SLC2A13: variants seen among roughly 807,000 people sequenced by gnomAD.
SLC2A13 encodes solute carrier family 2 member 13, also known as proton myo-inositol cotransporter.
In SLC2A13, 32 loss-of-function variants were observed where a neutral mutation model predicts 64.4. The ratio of observed to expected loss-of-function variants is 0.50; its 90% CI spans 0.37 to 0.67. SLC2A13 has a LOEUF of 0.67. Ranked by LOEUF, SLC2A13 falls within the 30% of genes least tolerant of loss-of-function variation. SLC2A13 has a pLI of 0.00. For missense variants in SLC2A13, 743 were observed against 829.2 expected (o/e 0.90, Z 1.28); for synonymous variants, 338 against 327.1 (o/e 1.03, Z -0.36).
chr12:39,853,966 T>A (rs958612309), intron 6 of SLC2A13, among the ~76,000 whole-genome samples: 28 of 152,154 alleles, frequency 1.8e-4, no homozygotes, highest in African/African-American at 6.3e-4. Flanking sequence ...CAGTATTTTG[T>A]TAAAATAAAA....
At chr12:39,989,403 C>T (rs1355578011) in intron 3 of SLC2A13, among the ~76,000 whole-genome samples, 1 of 152,196 alleles carries the variant, frequency 6.6e-6, no homozygotes, top group Admixed American at 6.5e-5. Flanking sequence ...TTTATTACCA[C>T]CTTCATATGT....
intron 3 of SLC2A13, among the ~76,000 whole-genome samples, chr12:39,978,372 T>A (rs572782397): frequency 1.3e-5 from 2 of 152,180 alleles, no homozygotes; most frequent in Non-Finnish European, 1.5e-5. Flanking sequence ...GCGTAAGCGA[T>A]GCAGAAGACG....
chr12:40,101,537 G>A (rs891134974), intron 1 of SLC2A13, among the ~76,000 whole-genome samples: 6 of 152,038 alleles, frequency 3.9e-5, no homozygotes, highest in Admixed American at 1.3e-4. Context: ...TAAGAAAGAA[G>A]GTAAAAGAGC....
At chr12:39,942,870 G>T (rs897125087) in intron 4 of SLC2A13, among the ~76,000 whole-genome samples, 7 of 152,014 alleles carry the variant, frequency 4.6e-5, no homozygotes, top group Non-Finnish European at 8.8e-5. Context: ...TTTTGTGCTG[G>T]TTTTTCCTCA....
At chr12:39,841,132 G>A (rs188492463) in intron 6 of SLC2A13, among the ~76,000 whole-genome samples, 20 of 152,050 alleles carry the variant, frequency 1.3e-4, no homozygotes, top group African/African-American at 4.1e-4. Flanking sequence ...ACTGACTCCT[G>A]AGTTAGATGC....
chr12:39,964,966 A>G (rs1243266422), intron 3 of SLC2A13, among the ~76,000 whole-genome samples: 1 of 152,156 alleles, frequency 6.6e-6, no homozygotes, highest in Non-Finnish European at 1.5e-5. Context: ...TTCTATAGGG[A>G]AAAAAATTAT....
intron 7 of SLC2A13, among the ~76,000 whole-genome samples, chr12:39,829,155 A>G (rs1241222901): frequency 6.6e-6 from 1 of 152,028 alleles, no homozygotes; most frequent in Non-Finnish European, 1.5e-5. Flanking sequence ...TACACATTTT[A>G]TATGTCTGGA....
rs1158596520 is a variant in SLC2A13, at chr12:39,758,722, A to G, written c.*1304T>C. The G allele has an allele frequency of 1.3e-5, 2 of 152,016 alleles. No individual in the cohort carries two copies. The highest frequency in any genetic ancestry group is 4.8e-5 in the African/African-American group (2 of 41,424). The allele number at this position is 152,016 out of a possible 1,614,324, so 9.4% of individuals were successfully genotyped here. ...AACCAATTATCTGTTCCAATAGGCAATCTCAATTTTTACACAAGAAGGAAA... is the reference window on the plus strand; with the variant it reads ...AACCAATTATCTGTTCCAATAGGCAGTCTCAATTTTTACACAAGAAGGAAA... On this transcript the variant is annotated 3_prime_UTR_variant, in exon 10 of 10. Coordinates refer to ENST00000280871, the MANE Select transcript of SLC2A13 (RefSeq NM_052885.4).
intron 3 of SLC2A13, among the ~76,000 whole-genome samples, chr12:39,961,026 C>T (rs1262809640): frequency 4.0e-5 from 6 of 151,584 alleles, no homozygotes; most frequent in African/African-American, 9.7e-5. Context: ...GGATTACAGG[C>T]GTGAGCCATT....
intron 4 of SLC2A13, among the ~76,000 whole-genome samples, chr12:39,934,466 A>C (rs1945884689): frequency 6.6e-6 from 1 of 152,254 alleles, no homozygotes; most frequent in Non-Finnish European, 1.5e-5. Flanking sequence ...CATCTCCAAG[A>C]GGCAATGCCA....
At chr12:39,948,010 T>C (rs183113077) in intron 4 of SLC2A13, among the ~76,000 whole-genome samples, 75 of 152,296 alleles carry the variant, frequency 4.9e-4, no homozygotes, top group African/African-American at 1.7e-3. Flanking sequence ...CTATCACTCC[T>C]CTTCTTTATT....
At chr12:39,955,738 G>T (rs1946304001) in intron 3 of SLC2A13, among the ~76,000 whole-genome samples, 1 of 152,096 alleles carries the variant, frequency 6.6e-6, no homozygotes, top group Non-Finnish European at 1.5e-5. Context: ...ATCCTTATCA[G>T]GAGGAGGCTG....
At chr12:40,073,539 CTGACA>C (rs1938045834) in intron 1 of SLC2A13, among the ~76,000 whole-genome samples, 1 of 152,050 alleles carries the variant, frequency 6.6e-6, no homozygotes, top group African/African-American at 2.4e-5. Context: ...ATCTGAGTTT[CTGACA>C]TATCATTTTT....
chr12:40,087,325 CT>C (rs1348525631), intron 1 of SLC2A13, among the ~76,000 whole-genome samples: 4 of 152,290 alleles, frequency 2.6e-5, no homozygotes, highest in African/African-American at 9.6e-5. Context: ...CTTAGTCTTT[CT>C]CTCCCTCTCT....
chr12:40,097,892 A>G (rs1328192156), intron 1 of SLC2A13, among the ~76,000 whole-genome samples: 1 of 152,126 alleles, frequency 6.6e-6, no homozygotes, highest in Non-Finnish European at 1.5e-5. Context: ...AAAATAATTC[A>G]AAGAAGGACC....
At chr12:39,830,725 T>C (rs1270539885) in intron 6 of SLC2A13, among the ~76,000 whole-genome samples, 1 of 152,182 alleles carries the variant, frequency 6.6e-6, no homozygotes, top group Non-Finnish European at 1.5e-5. Context: ...AAAAACATTA[T>C]GTCTAAAGAA....
intron 4 of SLC2A13, among the ~76,000 whole-genome samples, chr12:39,927,313 TA>T (rs1420208963): frequency 6.6e-6 from 1 of 152,182 alleles, no homozygotes; most frequent in Non-Finnish European, 1.5e-5. Context: ...TTAAGGAATT[TA>T]AAATTTTCTA....
chr12:40,096,421 T>A (rs890695578), intron 1 of SLC2A13, among the ~76,000 whole-genome samples: 8 of 151,918 alleles, frequency 5.3e-5, no homozygotes, highest in African/African-American at 1.9e-4. Flanking sequence ...ACCATAATAT[T>A]TTTCCAATCT....
intron 4 of SLC2A13, among the ~76,000 whole-genome samples, chr12:39,899,990 C>G (rs891435762): frequency 6.6e-6 from 1 of 151,304 alleles, no homozygotes; most frequent in Admixed American, 6.8e-5. Context: ...AGCTTATCCA[C>G]CATGATCAAG....
Sources: allele counts gnomAD v4.1 joint callset (sites outside exome capture counted in the v4.1 genomes callset), GRCh38; gene constraint gnomAD v4.1.1; transcripts MANE v1.5; gene names NCBI Gene and HGNC (gene_info 2026-07-23, HGNC 2026-07-21).